SLC13A3: variants seen among roughly 807,000 people sequenced by gnomAD.
The protein encoded by SLC13A3 is solute carrier family 13 member 3.
SLC13A3 carries 40 observed loss-of-function variants against 59.0 expected under a neutral mutation model. The ratio of observed to expected loss-of-function variants is 0.68; its 90% CI spans 0.53 to 0.88. The LOEUF (loss-of-function observed/expected upper bound fraction) is 0.88, where lower values mean the gene tolerates loss of function less well. SLC13A3 is among the 40% of genes least tolerant of loss of function. SLC13A3 has a pLI of 0.00. For synonymous variants in SLC13A3, 317 were observed against 330.3 expected (o/e 0.96, Z 0.44); for missense variants, 699 against 783.2 (o/e 0.89, Z 1.28).
intron 1 of SLC13A3, among the ~76,000 whole-genome samples, chr20:46,628,870 G>C (rs2062706811): frequency 6.6e-6 from 1 of 152,216 alleles, no homozygotes; most frequent in Non-Finnish European, 1.5e-5. Flanking sequence ...GACTGTTCTA[G>C]AGAACTCAGG....
At chr20:46,669,326 C>T (rs1223314770) in intron 1 of SLC13A3, among the ~76,000 whole-genome samples, 1 of 151,674 alleles carries the variant, frequency 6.6e-6, no homozygotes, top group African/African-American at 2.4e-5. Context: ...AGAGACAGGT[C>T]GAGTCCTTTC....
At chr20:46,606,574 C>T (rs1173927642) in intron 3 of SLC13A3, among the ~76,000 whole-genome samples, 1 of 152,116 alleles carries the variant, frequency 6.6e-6, no homozygotes, top group Non-Finnish European at 1.5e-5. Flanking sequence ...TATGGTGGCT[C>T]ACGCCTGTAA....
intron 1 of SLC13A3, among the ~76,000 whole-genome samples, chr20:46,678,222 G>T (rs2063137066): frequency 6.6e-6 from 1 of 152,276 alleles, no homozygotes; most frequent in African/African-American, 2.4e-5. Flanking sequence ...CCCAGGCCTT[G>T]GTAAGAAGGG....
At chr20:46,583,742 G>C (rs1382068698) in intron 8 of SLC13A3, 73 bp from the exon 9 acceptor site, 1 of 1,583,910 alleles carries the variant, frequency 6.3e-7, no homozygotes, top group African/African-American at 1.3e-5. Context: ...AATTGTAAAG[G>C]AGGATTTGTG....
At chr20:46,591,280 A>G (rs1020752528) in intron 6 of SLC13A3, among the ~76,000 whole-genome samples, 8 of 152,340 alleles carry the variant, frequency 5.3e-5, no homozygotes, top group African/African-American at 1.9e-4. Context: ...AAAACTCTGG[A>G]AGGTTACACA....
chr20:46,578,502 C>T (rs2062101339), intron 9 of SLC13A3, among the ~76,000 whole-genome samples: 2 of 151,682 alleles, frequency 1.3e-5, no homozygotes, highest in Non-Finnish European at 2.9e-5. Context: ...ATGGTGAAAC[C>T]CCATCTCTAC....
Position 46,559,455 on chromosome 20 carries a change from G to A in SLC13A3, c.*567C>T, listed in dbSNP as rs931004769. On this transcript the variant is annotated 3_prime_UTR_variant, in exon 13 of 13. Transcript: ENST00000279027. ...ATCTGTCCCTTTCCCTGTCTCCAAG[G>A]ATTAAAAAAGAATCTCTGACTGCTG... The A allele has an allele frequency of 2.6e-5, 4 of 152,370 alleles. No homozygotes were observed. The highest frequency in any genetic ancestry group is 9.7e-5 in the African/African-American group (4 of 41,448). The allele number at this position is 152,370 out of a possible 1,614,324, so 9.4% of individuals were successfully genotyped here. A position where few individuals can be genotyped will look rare whatever the true frequency, so the allele number is the denominator to read the frequency against.
chr20:46,632,910 T>TAGATAGACAGACAGACAG, intron 1 of SLC13A3, among the ~76,000 whole-genome samples: 1 of 73,640 alleles, frequency 1.4e-5, no homozygotes, highest in East Asian at 4.0e-4. Context: ...GATAGATAGA[T>TAGATAGACAGACAGACAG]ATATCTATCT....
chr20:46,647,268 A>G (rs185224146), intron 1 of SLC13A3, among the ~76,000 whole-genome samples: 26 of 152,274 alleles, frequency 1.7e-4, no homozygotes, highest in Non-Finnish European at 3.4e-4. Flanking sequence ...GCATCTTTAG[A>G]GTCACCTGTG....
At chr20:46,662,173 G>T (rs941509981) in intron 1 of SLC13A3, among the ~76,000 whole-genome samples, 2 of 152,104 alleles carry the variant, frequency 1.3e-5, no homozygotes, top group Non-Finnish European at 2.9e-5. Context: ...TTTCCTCCTG[G>T]AGGTTAGCTC....
rs1276059027 is a variant in SLC13A3 at position 46,558,894 on chromosome 20, G to T, written c.*1128C>A. The stretch of plus-strand genomic sequence containing the variant: ...GAGCTCTTCACTGGGATGCCAGAAT[G>T]CTTCTGCTTGGAACAAAGAGGGATT... On this transcript the variant is annotated 3_prime_UTR_variant, in exon 13 of 13. Coordinates refer to ENST00000279027, the MANE Select transcript of SLC13A3 (RefSeq NM_022829.6). 6.6e-6 allele frequency: 1 copy of T among 151,846 alleles called. No individual in the cohort carries two copies. Among genetic ancestry groups the T allele is most frequent in the East Asian group, 1.9e-4 (1 of 5,142 alleles). The allele number at this position is 151,846 out of a possible 1,614,324, so 9.4% of individuals were successfully genotyped here. A position where few individuals can be genotyped will look rare whatever the true frequency, so the allele number is the denominator to read the frequency against.
intron 1 of SLC13A3, among the ~76,000 whole-genome samples, chr20:46,620,855 T>C (rs1742307398): frequency 6.6e-6 from 1 of 151,624 alleles, no homozygotes; most frequent in Non-Finnish European, 1.5e-5. Context: ...AGATCAGCTG[T>C]AGACAAGAGC....
At chr20:46,582,035 C>A (rs576808187) in intron 9 of SLC13A3, among the ~76,000 whole-genome samples, 9 of 152,260 alleles carry the variant, frequency 5.9e-5, no homozygotes, top group Non-Finnish European at 1.0e-4. Context: ...TACCTGTAGT[C>A]CCAACATTTC....
At chr20:46,579,060 C>A (rs889694518) in intron 9 of SLC13A3, among the ~76,000 whole-genome samples, 12 of 152,164 alleles carry the variant, frequency 7.9e-5, no homozygotes, top group African/African-American at 2.9e-4. Flanking sequence ...AGAAGAAAAT[C>A]AAGGCTGGCT....
At chr20:46,674,598 C>G (rs1415713284), upstream of SLC13A3, among the ~76,000 whole-genome samples, 1 of 55,902 alleles carries the variant, frequency 1.8e-5, no homozygotes, top group Admixed American at 1.6e-4. Flanking sequence ...TGCGCGCGCG[C>G]GCGCGCGTGT....
intron 1 of SLC13A3, among the ~76,000 whole-genome samples, chr20:46,668,569 G>T (rs895265123): frequency 1.3e-5 from 2 of 152,228 alleles, no homozygotes; most frequent in African/African-American, 2.4e-5. Context: ...TAACATAAAA[G>T]TGCAAGTGAA....
chr20:46,589,233 C>T lies in SLC13A3; in HGVS notation c.943G>A (p.Glu315Lys), dbSNP rs780737902. 7 of 1,614,062 alleles carry T rather than the reference C, an allele frequency of 4.3e-6. No individual in the cohort carries two copies. The highest frequency in any genetic ancestry group is 5.9e-6 in the Non-Finnish European group (7 of 1,180,016). ...CTATCTTCTGCATTGGTTCTTATCT[C>T]AGATTTATTCTTCCTCCAGCCCCTG... ...SFRGWRKNKS[E>K]IRTNAEDRAR... Residue 315 changes from glutamate (E) to lysine (K), a missense_variant, in exon 7 of 13, where the codon GAG (glutamate) becomes AAG (lysine). Glu to Lys is a moderately conservative substitution (Grantham distance 56). Transcript: ENST00000279027.
rs527463784 is a variant in SLC13A3, at chr20:46,621,122, A to G, written c.112-7397T>C. Among the ~76,000 whole-genome samples the G allele has an allele frequency of 1.4e-3, 217 of 152,368 alleles. 1 individual carries two copies. The highest frequency in any genetic ancestry group is 2.2e-3 in the Non-Finnish European group (152 of 68,032). On this transcript the variant is annotated intron_variant, in intron 1 of 12. Transcript: ENST00000279027. The stretch of plus-strand genomic sequence containing the variant: ...TTGACTTTCTGGAGGGCCAAAGAAC[A>G]ATAACATCTGCTCATTATGAGAGTT...
intron 8 of SLC13A3, 24 bp downstream of exon 8, chr20:46,588,035 C>T: frequency 2.0e-6 from 3 of 1,467,256 alleles, no homozygotes; most frequent in South Asian, 1.2e-5. Context: ...TTGGACTCCT[C>T]CCTGTGGGTC....
Sources: gnomAD v4.1 joint callset for allele counts (sites outside exome capture counted in the v4.1 genomes callset) on GRCh38, gnomAD v4.1.1 for gene constraint, MANE v1.5 for transcripts, NCBI Gene and HGNC (gene_info 2026-07-23, HGNC 2026-07-21) for gene names.